Variants in HDAC4 observed in about 807,000 individuals in gnomAD.
The protein encoded by HDAC4 is histone deacetylase 4.
HDAC4 carries 16 observed loss-of-function variants against 135.1 expected under a neutral mutation model. That is an observed-to-expected ratio of 0.12 (90% CI 0.08 to 0.18). HDAC4 has a LOEUF of 0.18. Ranked by LOEUF, HDAC4 falls within the 10% of genes least tolerant of loss-of-function variation. The pLI is 1.00. For missense variants in HDAC4, 1,143 were observed against 1,511.8 expected, an observed-to-expected ratio of 0.76 and a Z score of 4.05; for synonymous variants, 685 against 653.4, an observed-to-expected ratio of 1.05 and a Z score of -0.74.
intron 1 of HDAC4, among the ~76,000 whole-genome samples, chr2:239,377,573 T>C (rs1343229502): frequency 6.6e-6 from 1 of 152,202 alleles, no homozygotes; most frequent in Non-Finnish European, 1.5e-5. Context: ...CAAAGGGACC[T>C]ATGATGTATC....
chr2:239,334,088 G>A lies in HDAC4; in HGVS notation c.22+18590C>T, dbSNP rs368712181. 5.3e-5 allele frequency among the ~76,000 whole-genome samples: 8 copies of A among 152,264 alleles called. No individual in the cohort carries two copies. In the East Asian group the frequency reaches 1.5e-3, roughly 29 times the overall value. On this transcript the variant is annotated intron_variant, in intron 2 of 26. Transcript: ENST00000543185. ...AAACCCAAAAGAATATATAGATAAT[G>A]AGTATAATAATAAACACTGTGCGAG...
At chr2:239,384,473 C>G (rs1169578188) in intron 1 of HDAC4, among the ~76,000 whole-genome samples, 1 of 143,506 alleles carries the variant, frequency 7.0e-6, no homozygotes, top group Non-Finnish European at 1.5e-5. Flanking sequence ...AAAAAAAAGC[C>G]AGATGTGGTG....
intron 12 of HDAC4, among the ~76,000 whole-genome samples, chr2:239,119,220 C>T (rs868711724): frequency 5.9e-5 from 9 of 152,200 alleles, no homozygotes; most frequent in Middle Eastern, 6.8e-3. Flanking sequence ...CTCGGTGCAC[C>T]GGAGGGAGAG....
intron 24 of HDAC4, among the ~76,000 whole-genome samples, chr2:239,060,773 ACT>A (rs981631588): frequency 6.6e-6 from 1 of 152,126 alleles, no homozygotes; most frequent in Non-Finnish European, 1.5e-5. Flanking sequence ...GTTCAGCGTA[ACT>A]CTGTCTGTCA....
At chr2:239,087,659 A>G (rs766175416) in intron 18 of HDAC4, 45 bp from the exon 19 acceptor site, 4 of 1,578,212 alleles carry the variant, frequency 2.5e-6, no homozygotes, top group Non-Finnish European at 2.6e-6. Flanking sequence ...CAAAAGACAC[A>G]CTTTGTAGCC....
chr2:239,269,947 T>A (rs1032231128), intron 2 of HDAC4, among the ~76,000 whole-genome samples: 1 of 152,064 alleles, frequency 6.6e-6, no homozygotes, highest in African/African-American at 2.4e-5. Context: ...CAGGGCTTCA[T>A]AGACAAGAGC....
chr2:239,161,610 C>A (rs189207456), intron 6 of HDAC4, among the ~76,000 whole-genome samples: 6 of 152,178 alleles, frequency 3.9e-5, no homozygotes, highest in East Asian at 3.9e-4. Flanking sequence ...GGAAAACAAA[C>A]CTGTCCTATG....
chr2:239,234,219 C>T (rs180754328), intron 3 of HDAC4, among the ~76,000 whole-genome samples: 2 of 152,274 alleles, frequency 1.3e-5, no homozygotes, highest in Admixed American at 6.5e-5. Context: ...CTTTCTCTGC[C>T]CACTGTTCCT....
At chr2:239,056,513 C>T (rs927594154) in intron 24 of HDAC4, among the ~76,000 whole-genome samples, 6 of 152,208 alleles carry the variant, frequency 3.9e-5, no homozygotes, top group African/African-American at 1.2e-4. Context: ...AAATCAACAC[C>T]GTGGTATTGA....
chr2:239,321,589 G>A (rs1436328233), intron 2 of HDAC4, among the ~76,000 whole-genome samples: 1 of 151,866 alleles, frequency 6.6e-6, no homozygotes, highest in East Asian at 1.9e-4. Flanking sequence ...AGGAGTAGCA[G>A]CTTTCAACAA....
chr2:239,205,720 G>A (rs593337), intron 3 of HDAC4, among the ~76,000 whole-genome samples: 84,224 of 151,810 alleles, frequency 0.55, 25,041 homozygotes, highest in South Asian at 0.75. Flanking sequence ...GACGAGGAGG[G>A]AGGGAGAAGA....
At chr2:239,334,147 A>C (rs2125832196) in intron 2 of HDAC4, among the ~76,000 whole-genome samples, 1 of 152,346 alleles carries the variant, frequency 6.6e-6, no homozygotes, top group East Asian at 1.9e-4. Flanking sequence ...ACAAAAATGA[A>C]TTGTGCTTCT....
At position 239,377,627 on chromosome 2, in the gene HDAC4, G is replaced by A. The variant is rs529767646; in HGVS notation, c.-220+23351C>T. ...ACCACCAACCTGGAGCAGCCGAGGT[G>A]CGGGCAGGAGGCCCCAGGGCCACAG... On this transcript the variant is annotated intron_variant, in intron 1 of 26. Coordinates refer to ENST00000543185, the MANE Select transcript of HDAC4 (RefSeq NM_001378414.1). Among the ~76,000 whole-genome samples, 205 of 152,344 alleles carry A rather than the reference G, an allele frequency of 1.3e-3. 1 individual carries two copies. Among genetic ancestry groups the A allele is most frequent in the African/African-American group, 4.7e-3 (194 of 41,574 alleles).
chr2:239,387,309 A>T (rs2126086421), intron 1 of HDAC4, among the ~76,000 whole-genome samples: 1 of 152,214 alleles, frequency 6.6e-6, no homozygotes, highest in African/African-American at 2.4e-5. Context: ...TGGCCAGAAG[A>T]TCCCCCGGTG....
chr2:239,180,254 G>A (rs2044060163), intron 4 of HDAC4, among the ~76,000 whole-genome samples: 1 of 152,014 alleles, frequency 6.6e-6, no homozygotes, highest in South Asian at 2.1e-4. Flanking sequence ...CAACCCCTAG[G>A]CTTCTGGGAA....
intron 1 of HDAC4, among the ~76,000 whole-genome samples, chr2:239,364,130 C>T (rs1694022078): frequency 6.6e-6 from 1 of 152,236 alleles, no homozygotes; most frequent in Non-Finnish European, 1.5e-5. Flanking sequence ...CAACGGCACA[C>T]ACCCTGTGGG....
chr2:239,129,264 A>C (rs1238036482), intron 11 of HDAC4, among the ~76,000 whole-genome samples: 2 of 152,230 alleles, frequency 1.3e-5, no homozygotes, highest in Non-Finnish European at 2.9e-5. Flanking sequence ...TCTGCATAGC[A>C]ATGCTATTTG....
intron 2 of HDAC4, among the ~76,000 whole-genome samples, chr2:239,276,821 G>A (rs2050396775): frequency 6.6e-6 from 1 of 152,222 alleles, no homozygotes; most frequent in East Asian, 1.9e-4. Context: ...AATGACAACA[G>A]GCTCCAGGGT....
intron 1 of HDAC4, among the ~76,000 whole-genome samples, chr2:239,364,854 G>A (rs1052653338): frequency 1.3e-5 from 2 of 152,182 alleles, no homozygotes; most frequent in African/African-American, 4.8e-5. Flanking sequence ...ACATGTAGGA[G>A]AAATAGTCAC....
Sources: gnomAD v4.1 joint callset for allele counts (sites outside exome capture counted in the v4.1 genomes callset) on GRCh38, gnomAD v4.1.1 for gene constraint, MANE v1.5 for transcripts, NCBI Gene and HGNC (gene_info 2026-07-23, HGNC 2026-07-21) for gene names.